The following TMEM100 variants were observed in gnomAD, a reference collection of about 807,000 sequenced individuals.
The protein encoded by TMEM100 is transmembrane protein 100.
For synonymous variants in TMEM100, 61 were observed against 67.1 expected (o/e 0.91, Z 0.44); for missense variants, 137 against 168.2 (o/e 0.81, Z 1.02).
chr17:55,725,492 C>G (rs1159779275), upstream of TMEM100, among the ~76,000 whole-genome samples: 2 of 152,170 alleles, frequency 1.3e-5, no homozygotes, highest in Non-Finnish European at 2.9e-5. Flanking sequence ...CCTTACCTTT[C>G]CCAGCCAGAG....
chr17:55,730,269 G>A (rs1005056569), intron 1 of TMEM100, among the ~76,000 whole-genome samples: 5 of 151,944 alleles, frequency 3.3e-5, no homozygotes, highest in Admixed American at 2.0e-4. Flanking sequence ...CATTGAAATC[G>A]GATGTAAATT....
upstream of TMEM100, among the ~76,000 whole-genome samples, chr17:55,725,869 C>T (rs939103704): frequency 1.3e-5 from 2 of 152,048 alleles, no homozygotes; most frequent in African/African-American, 4.8e-5. Flanking sequence ...TCCAAAGCCC[C>T]CATTCTGATG....
In TMEM100 at chr17:55,719,722, A is replaced by T. The variant is rs1908797322; in HGVS notation, c.*944T>A. 1 of 152,348 alleles carries T rather than the reference A, an allele frequency of 6.6e-6. No individual in the cohort carries two copies. Among genetic ancestry groups the T allele is most frequent in the Non-Finnish European group, 1.5e-5 (1 of 68,050 alleles). The allele number at this position is 152,348 out of a possible 1,614,324, so 9.4% of individuals were successfully genotyped here. On this transcript the variant is annotated 3_prime_UTR_variant, in exon 2 of 2. Transcript: ENST00000424486. The stretch of plus-strand genomic sequence containing the variant: ...TTATAATAGCACAGAAATCCTTTAG[A>T]ATTTAGTAAACGTAATTAAGACTAT...
At chr17:55,731,031 G>C (rs945029119) in intron 1 of TMEM100, among the ~76,000 whole-genome samples, 3 of 152,168 alleles carry the variant, frequency 2.0e-5, no homozygotes, top group African/African-American at 7.2e-5. Context: ...TCTTCCATCA[G>C]GGCACACAGA....
chr17:55,724,146 T>G, upstream of TMEM100, among the ~76,000 whole-genome samples: 1 of 152,206 alleles, frequency 6.6e-6, no homozygotes, highest in Non-Finnish European at 1.5e-5. Flanking sequence ...TCTCTCAAAT[T>G]GTTAGATTTC....
Position 55,720,282 on chromosome 17 carries a change from C to T in TMEM100, c.*384G>A, listed in dbSNP as rs184542130. ...TCCTTGGCAGAACATTTTTATGATA[C>T]ATCTTAAGACTGTAGGTTATTTCTT... On this transcript the variant is annotated 3_prime_UTR_variant, in exon 2 of 2. Transcript: ENST00000424486. 3 of 172,064 alleles carry T rather than the reference C, an allele frequency of 1.7e-5. No homozygotes were observed. In the Admixed American group the frequency reaches 1.8e-4, roughly 11 times the overall value. 10.7% of individuals were successfully genotyped at this position (172,064 alleles called of 1,614,324 possible).
intron 1 of TMEM100, among the ~76,000 whole-genome samples, chr17:55,729,037 C>T (rs770174590): frequency 2.0e-5 from 3 of 152,206 alleles, no homozygotes; most frequent in South Asian, 4.1e-4. Context: ...AGTTTATGGT[C>T]GGATTATCGC....
upstream of TMEM100, among the ~76,000 whole-genome samples, chr17:55,727,203 A>C (rs1909094354): frequency 6.6e-6 from 1 of 152,224 alleles, no homozygotes; most frequent in Admixed American, 6.5e-5. Flanking sequence ...TCTCAAAATC[A>C]GAATATACAC....
At position 55,720,863 on chromosome 17, in the gene TMEM100, C is replaced by T. The variant is rs961342347; in HGVS notation, c.208G>A (p.Val70Met). 6.2e-6 allele frequency: 10 copies of T among 1,614,064 alleles called. No homozygotes were observed. The highest frequency in any genetic ancestry group is 1.7e-5 in the Admixed American group (1 of 60,002). ...FAVVVFIAGI[V>M]VTAVAYSFNS... ...AAGCTGTAAGCCACCGCGGTGACCA[C>T]GATGCCGGCGATGAAGACAACCACA... The change falls in exon 2 of 2, where the codon GTG becomes ATG. Residue 70 changes from valine to methionine, a missense_variant. Physicochemically the swap from Val to Met is conservative, Grantham distance 21. Transcript: ENST00000424486.
chr17:55,727,725 C>T (rs531561936), upstream of TMEM100: 33 of 152,256 alleles, frequency 2.2e-4, no homozygotes, highest in Admixed American at 9.8e-4. Context: ...GTCCTAAAAA[C>T]GGATAATCAA....
At position 55,721,181 on chromosome 17, in the gene TMEM100, A is replaced by G. The variant is rs1273931128; in HGVS notation, c.-65-46T>C. On this transcript the variant is annotated intron_variant, in intron 1 of 1. Coordinates refer to ENST00000424486, the MANE Select transcript of TMEM100 (RefSeq NM_018286.3). ...GTCAGCTACATGTATCAGAATGTACACCCTGTAAGCAGAAATGAAAAGCTG... is the reference window on the plus strand; with the variant it reads ...GTCAGCTACATGTATCAGAATGTACGCCCTGTAAGCAGAAATGAAAAGCTG... 10 of 1,311,310 alleles carry G rather than the reference A, an allele frequency of 7.6e-6. No individual in the cohort carries two copies. In the Admixed American group the frequency reaches 2.3e-4, roughly 30 times the overall value. The allele number at this position is 1,311,310 out of a possible 1,614,324, so 81.2% of individuals were successfully genotyped here.
intron 1 of TMEM100, chr17:55,721,789 G>A (rs918186252): frequency 6.6e-6 from 1 of 152,064 alleles, no homozygotes; most frequent in Non-Finnish European, 1.5e-5. Context: ...GGGATTTGTG[G>A]TCTGAAGTGT....
At chr17:55,722,095 C>T (rs1424755195) in intron 1 of TMEM100, among the ~76,000 whole-genome samples, 3 of 152,272 alleles carry the variant, frequency 2.0e-5, no homozygotes, top group East Asian at 1.9e-4. Context: ...GTATTTCGTA[C>T]CTGAACATTT....
upstream of TMEM100, among the ~76,000 whole-genome samples, chr17:55,726,566 T>A (rs1435054514): frequency 6.6e-6 from 1 of 152,186 alleles, no homozygotes; most frequent in Non-Finnish European, 1.5e-5. Context: ...TATTTCCAAT[T>A]TGCTTTTGCT....
upstream of TMEM100, among the ~76,000 whole-genome samples, chr17:55,723,735 A>G (rs973439531): frequency 1.2e-4 from 18 of 152,326 alleles, no homozygotes; most frequent in African/African-American, 4.3e-4. Flanking sequence ...ATTCTGATTC[A>G]GTAAGTCTGT....
chr17:55,720,929 C>T lies in TMEM100; in HGVS notation c.142G>A (p.Gly48Ser), dbSNP rs773273141. Reference sequence around the variant, plus strand: ...CAGCGGTAGCAGGAGAGCTCGGTACCCCCTGTAGCAGCCATCAACTGAATC... The same window carrying T: ...CAGCGGTAGCAGGAGAGCTCGGTACTCCCTGTAGCAGCCATCAACTGAATC... ...SEIQLMAATG[G>S]TELSCYRCII... Residue 48 changes from glycine (G) to serine (S), a missense_variant, in exon 2 of 2, where the codon GGT becomes AGT. Gly to Ser is a moderately conservative substitution (Grantham distance 56). Transcript: ENST00000424486. 1.9e-6 allele frequency: 3 copies of T among 1,614,066 alleles called. No homozygotes were observed. The highest frequency in any genetic ancestry group is 1.3e-5 in the African/African-American group (1 of 74,910).
At chr17:55,731,257 C>T (rs1197474582) in intron 1 of TMEM100, among the ~76,000 whole-genome samples, 2 of 152,216 alleles carry the variant, frequency 1.3e-5, no homozygotes, top group Non-Finnish European at 2.9e-5. Flanking sequence ...CTTATTTTTA[C>T]AGCGCTAATA....
At chr17:55,730,277 A>C (rs1482047553) in intron 1 of TMEM100, among the ~76,000 whole-genome samples, 1 of 152,224 alleles carries the variant, frequency 6.6e-6, no homozygotes, top group Non-Finnish European at 1.5e-5. Flanking sequence ...TCGGATGTAA[A>C]TTTAAAACTT....
At chr17:55,728,253 A>G (rs1157215489) in intron 1 of TMEM100, among the ~76,000 whole-genome samples, 2 of 152,178 alleles carry the variant, frequency 1.3e-5, no homozygotes, top group East Asian at 3.9e-4. Flanking sequence ...GTTGTGAGGA[A>G]TTCATTTTTA....
Sources: gnomAD v4.1 joint callset for allele counts (sites outside exome capture counted in the v4.1 genomes callset) on GRCh38, gnomAD v4.1.1 for gene constraint, MANE v1.5 for transcripts, NCBI Gene and HGNC (gene_info 2026-07-23, HGNC 2026-07-21) for gene names.